FHOD3: variants seen among roughly 807,000 people sequenced by gnomAD.
The protein encoded by FHOD3 is FH1/FH2 domain-containing protein 3.
Under a neutral mutation model 173.0 loss-of-function variants are expected in FHOD3, and 90 were observed. That is an observed-to-expected ratio of 0.52 (90% CI 0.44 to 0.62). The LOEUF is 0.62. FHOD3 is among the 20% of genes least tolerant of loss of function. The pLI is 0.00. For synonymous variants in FHOD3, 828 were observed against 823.0 expected, an observed-to-expected ratio of 1.01 and a Z score of -0.10; for missense variants, 1,945 against 2,034.7, an observed-to-expected ratio of 0.96 and a Z score of 0.85.
At position 36,568,326 on chromosome 18, in the gene FHOD3, C is replaced by CAA. The variant is rs71168234; in HGVS notation, c.512-8085_512-8084dup. On this transcript the variant is annotated intron_variant, in intron 5 of 28. Coordinates refer to ENST00000590592, the MANE Select transcript of FHOD3 (RefSeq NM_001281740.3). ...CTGGGCGACAGAGCAGACTCTGTCT[C>CAA]AAAAAAAAAAAAAAAAAAAAAAAAA... 1.3e-3 allele frequency among the ~76,000 whole-genome samples: 32 copies of CAA among 24,064 alleles called. 8 individuals are homozygous for CAA. The highest frequency in any genetic ancestry group is 4.3e-3 in the East Asian group (3 of 690). The allele number at this position is 24,064 out of a possible 152,430, so 15.8% of individuals were successfully genotyped here.
At chr18:36,490,424 C>T (rs1247817884) in intron 3 of FHOD3, among the ~76,000 whole-genome samples, 1 of 152,130 alleles carries the variant, frequency 6.6e-6, no homozygotes, top group African/African-American at 2.4e-5. Context: ...GGGCTTTCCT[C>T]CTCAGTAAAG....
In FHOD3 at chr18:36,486,416, G is replaced by T. The variant is rs60391343; in HGVS notation, c.338-15516G>T. On this transcript the variant is annotated intron_variant, in intron 3 of 28. Coordinates refer to ENST00000590592, the MANE Select transcript of FHOD3 (RefSeq NM_001281740.3). ...CTTGCTCTGTCTCCCAGCCTGGAGT[G>T]CAGTAGCACGATTATAGCTTACTGC... 7.2e-3 allele frequency among the ~76,000 whole-genome samples: 1,098 copies of T among 152,318 alleles called. 12 individuals are homozygous for T. Among genetic ancestry groups the T allele is most frequent in the African/African-American group, 0.025 (1,052 of 41,562 alleles).
At chr18:36,690,354 G>C (rs1446704209) in intron 16 of FHOD3, among the ~76,000 whole-genome samples, 1 of 152,188 alleles carries the variant, frequency 6.6e-6, no homozygotes, top group Non-Finnish European at 1.5e-5. Flanking sequence ...TTTGTGGATA[G>C]AAAGCCCGGT....
chr18:36,376,152 C>T (rs916919750), intron 3 of FHOD3, among the ~76,000 whole-genome samples: 2 of 152,120 alleles, frequency 1.3e-5, no homozygotes, highest in Non-Finnish European at 2.9e-5. Context: ...AACTAAATCT[C>T]ATCATGAAGA....
intron 1 of FHOD3, among the ~76,000 whole-genome samples, chr18:36,309,572 G>A (rs116105433): frequency 0.026 from 3,945 of 152,270 alleles, 153 homozygotes; most frequent in African/African-American, 0.089. Context: ...GCTCCTGACC[G>A]CAGCTTCTGT....
chr18:36,339,851 A>AT (rs1032257279), intron 1 of FHOD3, among the ~76,000 whole-genome samples: 3 of 152,166 alleles, frequency 2.0e-5, no homozygotes, highest in Admixed American at 1.3e-4. Flanking sequence ...AAGGAGAATG[A>AT]TTTTTTTCCT....
chr18:36,773,028 G>C (rs983412555), intron 28 of FHOD3, among the ~76,000 whole-genome samples: 2 of 152,264 alleles, frequency 1.3e-5, no homozygotes, highest in African/African-American at 4.8e-5. Flanking sequence ...CAGGTGGACA[G>C]TCACTGCCTT....
chr18:36,726,109 G>A (rs929545407), intron 19 of FHOD3, among the ~76,000 whole-genome samples: 2 of 150,288 alleles, frequency 1.3e-5, no homozygotes, highest in Non-Finnish European at 3.0e-5. Flanking sequence ...CATATCTATT[G>A]GACAGCCAAT....
chr18:36,545,651 T>C (rs2057383240), intron 5 of FHOD3, among the ~76,000 whole-genome samples: 1 of 152,190 alleles, frequency 6.6e-6, no homozygotes. Flanking sequence ...TTCCTCAGCA[T>C]GGATTATGCT....
intron 3 of FHOD3, among the ~76,000 whole-genome samples, chr18:36,500,952 C>T (rs1000108528): frequency 6.6e-6 from 1 of 152,132 alleles, no homozygotes; most frequent in Non-Finnish European, 1.5e-5. Context: ...TCCTTGGTGT[C>T]CTGCATAACC....
At chr18:36,448,928 C>T (rs2051659461) in intron 3 of FHOD3, among the ~76,000 whole-genome samples, 1 of 151,736 alleles carries the variant, frequency 6.6e-6, no homozygotes, top group East Asian at 1.9e-4. Flanking sequence ...TTATTCAACC[C>T]AGAGCCCCCC....
chr18:36,761,776 T>C (rs1423515149), intron 27 of FHOD3, among the ~76,000 whole-genome samples: 1 of 152,132 alleles, frequency 6.6e-6, no homozygotes, highest in Admixed American at 6.5e-5. Flanking sequence ...GAGACAGGCT[T>C]TCTTCTCTCG....
intron 28 of FHOD3, among the ~76,000 whole-genome samples, chr18:36,771,310 G>T (rs1029298969): frequency 6.6e-6 from 1 of 152,158 alleles, no homozygotes; most frequent in Non-Finnish European, 1.5e-5. Flanking sequence ...CCGAAGGGGC[G>T]AGGCTAATCC....
chr18:36,539,379 A>G (rs1323419916), intron 5 of FHOD3, among the ~76,000 whole-genome samples: 1 of 152,226 alleles, frequency 6.6e-6, no homozygotes, highest in Non-Finnish European at 1.5e-5. Flanking sequence ...TATAGAAGAC[A>G]TGGAGTTATT....
intron 5 of FHOD3, among the ~76,000 whole-genome samples, chr18:36,564,916 A>T (rs2058211508): frequency 1.3e-5 from 2 of 152,274 alleles, no homozygotes; most frequent in South Asian, 4.1e-4. Flanking sequence ...AATGCTGCTA[A>T]ATGTCAGCAA....
At chr18:36,437,320 C>G (rs570498067) in intron 3 of FHOD3, among the ~76,000 whole-genome samples, 1 of 152,122 alleles carries the variant, frequency 6.6e-6, no homozygotes, top group Admixed American at 6.5e-5. Context: ...TTTCACCATG[C>G]CTGGCCAAGT....
At chr18:36,472,725 G>T (rs1436017210) in intron 3 of FHOD3, among the ~76,000 whole-genome samples, 2 of 152,170 alleles carry the variant, frequency 1.3e-5, no homozygotes, top group African/African-American at 4.8e-5. Context: ...CTTCATCCAT[G>T]TTGTAACATG....
At chr18:36,680,055 G>A (rs956277967) in intron 14 of FHOD3, among the ~76,000 whole-genome samples, 5 of 152,164 alleles carry the variant, frequency 3.3e-5, no homozygotes, top group African/African-American at 1.2e-4. Context: ...ACAAAAGTTA[G>A]AAGTTTGTCT....
At chr18:36,667,840 G>GGTGATAGTACATTTTCAGCTTCATT (rs1192806638) in intron 14 of FHOD3, among the ~76,000 whole-genome samples, 1 of 152,142 alleles carries the variant, frequency 6.6e-6, no homozygotes, top group East Asian at 1.9e-4. Context: ...AACATCACTA[G>GGTGATAGTACATTTTCAGCTTCATT]GTGATAGTAC....
Sources: allele counts gnomAD v4.1 joint callset (sites outside exome capture counted in the v4.1 genomes callset), GRCh38; gene constraint gnomAD v4.1.1; transcripts MANE v1.5; gene names NCBI Gene and HGNC (gene_info 2026-07-23, HGNC 2026-07-21).